The following NCOA7 variants were observed in gnomAD, a reference collection of about 807,000 sequenced individuals.
NCOA7 encodes the protein nuclear receptor coactivator 7.
NCOA7 carries 45 observed loss-of-function variants against 104.3 expected under a neutral mutation model. The ratio of observed to expected loss-of-function variants is 0.43; its 90% CI spans 0.34 to 0.55. The LOEUF (loss-of-function observed/expected upper bound fraction) is 0.55. NCOA7 is among the 20% of genes least tolerant of loss of function. The pLI is 0.02. For missense variants in NCOA7, 1,041 were observed against 1,119.7 expected (o/e 0.93, Z 1.00); for synonymous variants, 398 against 402.3 (o/e 0.99, Z 0.13).
rs1293383449 is a variant in NCOA7 at position 125,931,992 on chromosome 6, T to C, written c.*3221T>C. The C allele has an allele frequency of 6.6e-6, 1 of 152,224 alleles. No homozygotes were observed. The allele number at this position is 152,224 out of a possible 1,614,324, so 9.4% of individuals were successfully genotyped here. A position where few individuals can be genotyped will look rare whatever the true frequency, so the allele number is the denominator to read the frequency against. ...AAATTTCCTGACGCCTACCCAGCCA[T>C]GTGAAACTGTGAGTCCATTAAACCT... is the stretch of plus-strand genomic sequence containing the variant. On this transcript the variant is annotated 3_prime_UTR_variant, in exon 16 of 16. Transcript: ENST00000392477.
chr6:125,890,433 G>A (rs1784544212), intron 9 of NCOA7, among the ~76,000 whole-genome samples: 1 of 152,108 alleles, frequency 6.6e-6, no homozygotes, highest in African/African-American at 2.4e-5. Context: ...AGCAGCTCAT[G>A]GGATGTAGTT....
chr6:125,896,122 GTACT>G (rs1238219687), intron 10 of NCOA7, among the ~76,000 whole-genome samples: 9 of 150,714 alleles, frequency 6.0e-5, no homozygotes, highest in South Asian at 2.1e-4. Flanking sequence ...ATTTAATCAT[GTACT>G]TACTTTGGAT....
intron 2 of NCOA7, 57 bp downstream of exon 2, chr6:125,815,461 C>T (rs1297548942): frequency 7.1e-7 from 1 of 1,411,704 alleles, no homozygotes; most frequent in Non-Finnish European, 9.9e-7. Flanking sequence ...TTTGAGGGGA[C>T]TTTGTCCTCA....
At chr6:125,874,818 A>G in intron 3 of NCOA7, 71 bp from the exon 4 acceptor site, 2 of 1,167,938 alleles carry the variant, frequency 1.7e-6, no homozygotes. Flanking sequence ...GGGTTTCTAT[A>G]TATGGTAGTT....
chr6:125,830,530 A>C (rs1305209030), intron 2 of NCOA7, among the ~76,000 whole-genome samples: 1 of 152,050 alleles, frequency 6.6e-6, no homozygotes, highest in Non-Finnish European at 1.5e-5. Context: ...GTCTACAAAA[A>C]ATTTTTTTAA....
chr6:125,781,811 G>T (rs976093971), intron 1 of NCOA7, among the ~76,000 whole-genome samples: 2 of 152,208 alleles, frequency 1.3e-5, no homozygotes, highest in African/African-American at 4.8e-5. Context: ...AGCTTCTTCT[G>T]TATCTCCCAG....
intron 2 of NCOA7, among the ~76,000 whole-genome samples, chr6:125,852,612 A>G (rs1781220070): frequency 6.6e-6 from 1 of 152,128 alleles, no homozygotes; most frequent in South Asian, 2.1e-4. Context: ...ATGCAGTTTC[A>G]TTGTTTTGCA....
intron 10 of NCOA7, among the ~76,000 whole-genome samples, chr6:125,902,862 T>C (rs1376614531): frequency 6.6e-6 from 1 of 152,190 alleles, no homozygotes; most frequent in African/African-American, 2.4e-5. Context: ...AGCATCTGTT[T>C]CTCATGCATT....
Position 125,878,377 on chromosome 6 carries a change from A to G in NCOA7, c.459+7A>G, listed in dbSNP as rs1327136286. ...TACTATTGTTCCAGGCCAGGTAATT[A>G]TACTCTTACTGGATATAACTCTAGA... On this transcript the variant is annotated splice_region_variant and intron_variant, in intron 5 of 15. Coordinates refer to ENST00000392477, the MANE Select transcript of NCOA7 (RefSeq NM_181782.5). 2 of 1,583,188 alleles carry G rather than the reference A, an allele frequency of 1.3e-6. No individual in the cohort carries two copies. The highest frequency in any genetic ancestry group is 1.4e-5 in the African/African-American group (1 of 74,030).
intron 10 of NCOA7, among the ~76,000 whole-genome samples, chr6:125,892,227 T>G (rs1784673531): frequency 6.6e-6 from 1 of 152,214 alleles, no homozygotes; most frequent in Non-Finnish European, 1.5e-5. Flanking sequence ...AAGACAATTG[T>G]GTTTTTTTCA....
At chr6:125,839,071 A>T (rs1779879750) in intron 2 of NCOA7, among the ~76,000 whole-genome samples, 1 of 152,010 alleles carries the variant, frequency 6.6e-6, no homozygotes, top group African/African-American at 2.4e-5. Flanking sequence ...GAGGTTCATT[A>T]CCTATGCATG....
At position 125,930,505 on chromosome 6, in the gene NCOA7, C is replaced by T. The variant is rs1788403870; in HGVS notation, c.*1734C>T. 6.6e-6 allele frequency: 1 copy of T among 152,216 alleles called. No individual in the cohort carries two copies. The highest frequency in any genetic ancestry group is 1.5e-5 in the Non-Finnish European group (1 of 67,986). 9.4% of individuals were successfully genotyped at this position (152,216 alleles called of 1,614,324 possible). A position where few individuals can be genotyped will look rare whatever the true frequency, so the allele number is the denominator to read the frequency against. Reference sequence around the variant, plus strand: ...AAAATGGTCTGTCATAAATTATTTCCCCGGTAATTTTTGAAAGGAAAAATG... The same window carrying T: ...AAAATGGTCTGTCATAAATTATTTCTCCGGTAATTTTTGAAAGGAAAAATG... On this transcript the variant is annotated 3_prime_UTR_variant, in exon 16 of 16. Transcript: ENST00000392477.
Position 125,922,759 on chromosome 6 carries a change from C to T in NCOA7, c.2448C>T (p.Ser816=). 1.2e-6 allele frequency: 2 copies of T among 1,614,130 alleles called. No individual in the cohort carries two copies. The highest frequency in any genetic ancestry group is 8.5e-7 in the Non-Finnish European group (1 of 1,180,024). ...ATAGCACGTTAGAGCACGGGACCAG[C>T]TTAAAGACGCTCTACCGGAAATCGG... The part of the protein sequence containing the change: ...LAYSTLEHGT[S]LKTLYRKSAS... Residue 816 remains serine (S), a synonymous_variant, in exon 13 of 16, where the codon AGC becomes AGT. Transcript: ENST00000392477.
chr6:125,906,243 A>G (rs185537003), intron 10 of NCOA7, among the ~76,000 whole-genome samples: 2 of 152,322 alleles, frequency 1.3e-5, no homozygotes, highest in East Asian at 3.9e-4. Context: ...TTGAAGAAAA[A>G]GAGTGCTAAG....
intron 1 of NCOA7, among the ~76,000 whole-genome samples, chr6:125,813,851 A>G (rs1336127176): frequency 6.6e-6 from 1 of 152,146 alleles, no homozygotes; most frequent in Non-Finnish European, 1.5e-5. Flanking sequence ...GCAAATAGAA[A>G]TTATATATAT....
chr6:125,810,468 C>T (rs780157454), intron 1 of NCOA7: 4 of 152,070 alleles, frequency 2.6e-5, no homozygotes, highest in African/African-American at 4.8e-5. Context: ...TGTGCTTTCT[C>T]GTGAAATTCT....
At chr6:125,899,818 C>G (rs1785333910) in intron 10 of NCOA7, 1 of 254,574 alleles carries the variant, frequency 3.9e-6, no homozygotes, top group Non-Finnish European at 9.2e-6. Flanking sequence ...CAGTAACCAG[C>G]TTTGGCAAAT....
intron 10 of NCOA7, among the ~76,000 whole-genome samples, chr6:125,908,007 G>C (rs895963478): frequency 6.6e-6 from 1 of 152,156 alleles, no homozygotes; most frequent in African/African-American, 2.4e-5. Flanking sequence ...TAAGTCCCAA[G>C]AAAGCCTGTG....
intron 11 of NCOA7, among the ~76,000 whole-genome samples, chr6:125,918,416 G>T (rs1787265432): frequency 6.6e-6 from 1 of 152,140 alleles, no homozygotes; most frequent in Admixed American, 6.5e-5. Flanking sequence ...CAGTTCTGCT[G>T]GCCGTGGACT....
Sources: gnomAD v4.1 joint callset for allele counts (sites outside exome capture counted in the v4.1 genomes callset) on GRCh38, gnomAD v4.1.1 for gene constraint, MANE v1.5 for transcripts, NCBI Gene and HGNC (gene_info 2026-07-23, HGNC 2026-07-21) for gene names.